The following FREM3 variants were observed in gnomAD, a reference collection of about 807,000 sequenced individuals.
FREM3 encodes the protein FRAS1-related extracellular matrix protein 3.
FREM3 carries 105 observed loss-of-function variants against 129.1 expected under a neutral mutation model. The ratio of observed to expected loss-of-function variants is 0.81; its 90% CI spans 0.69 to 0.96. The LOEUF (loss-of-function observed/expected upper bound fraction) is 0.96, where lower values mean the gene tolerates loss of function less well. Ranked by LOEUF, FREM3 falls within the 40% of genes least tolerant of loss-of-function variation. The pLI is 0.00. For synonymous variants in FREM3, 1,014 were observed against 1,044.9 expected (o/e 0.97, Z 0.57); for missense variants, 2,593 against 2,666.3 (o/e 0.97, Z 0.61).
At chr4:143,669,022 G>A (rs762720989) in intron 2 of FREM3, among the ~76,000 whole-genome samples, 2 of 152,160 alleles carry the variant, frequency 1.3e-5, no homozygotes, top group Non-Finnish European at 2.9e-5. Flanking sequence ...TGTGACTCCA[G>A]ACAATGAAGA....
chr4:143,602,191 T>A (rs1015617578), intron 6 of FREM3, among the ~76,000 whole-genome samples: 5 of 152,170 alleles, frequency 3.3e-5, no homozygotes, highest in Non-Finnish European at 7.3e-5. Flanking sequence ...TCTCAAATAG[T>A]CAATTTTGAA....
chr4:143,589,310 T>G (rs1738307312), intron 6 of FREM3, among the ~76,000 whole-genome samples: 1 of 152,250 alleles, frequency 6.6e-6, no homozygotes, highest in Non-Finnish European at 1.5e-5. Context: ...CATGAAGTCC[T>G]TGCCCATGCC....
chr4:143,618,769 G>T (rs1034671145), intron 5 of FREM3, among the ~76,000 whole-genome samples: 5 of 152,064 alleles, frequency 3.3e-5, no homozygotes, highest in Admixed American at 6.6e-5. Context: ...ACAGGTTGGT[G>T]CCTGTAGTCC....
At chr4:143,628,967 A>G (rs1390368587) in intron 2 of FREM3, among the ~76,000 whole-genome samples, 1 of 152,174 alleles carries the variant, frequency 6.6e-6, no homozygotes, top group Admixed American at 6.5e-5. Flanking sequence ...GAGGTGGGTC[A>G]TCTGTCCAGT....
Position 143,697,715 on chromosome 4 carries a change from A to G in FREM3, c.2961T>C (p.Ile987=), listed in dbSNP as rs1423127865. The change falls in exon 1 of 8, where the codon ATT becomes ATC. Residue 987 remains isoleucine, a synonymous_variant. Transcript: ENST00000329798. Reference sequence around the variant, plus strand: ...TGCCCAGTTTGGGGCTGTCCTTTACAATGAAAGACAGCATCAAGTCACCTA... The same window carrying G: ...TGCCCAGTTTGGGGCTGTCCTTTACGATGAAAGACAGCATCAAGTCACCTA... ...KDVGDLMLSF[I]VKDSPKLGTI... is the part of the protein sequence containing the mutation. 6 of 1,537,682 alleles carry G rather than the reference A, an allele frequency of 3.9e-6. No individual in the cohort carries two copies. In the South Asian group the frequency reaches 4.8e-5, roughly 12 times the overall value.
Position 143,577,793 on chromosome 4 carries a change from G to C in FREM3, c.6238C>G (p.Gln2080Glu). The C allele has an allele frequency of 6.5e-7, 1 of 1,537,254 alleles. No individual in the cohort carries two copies. Among genetic ancestry groups the C allele is most frequent in the East Asian group, 2.4e-5 (1 of 40,918 alleles). The stretch of plus-strand genomic sequence containing the variant: ...TCAAGGATGGTCACTTGGAATGTCT[G>C]CATGCGCACGCCTGGAGCAAAGTCC... Reference protein sequence around the residue: ...NLDFAPGVRMQTFQVTILDDL... With the variant: ...NLDFAPGVRMETFQVTILDDL... The change falls in exon 8 of 8, where the codon CAG becomes GAG. Residue 2080 changes from glutamine to glutamate, a missense_variant. Gln to Glu is a conservative substitution (Grantham distance 29). Coordinates refer to ENST00000329798, the MANE Select transcript of FREM3 (RefSeq NM_001168235.2).
rs1328671755 is a variant in FREM3 at position 143,577,559 on chromosome 4, A to G, written c.*52T>C. On this transcript the variant is annotated 3_prime_UTR_variant, in exon 8 of 8. Coordinates refer to ENST00000329798, the MANE Select transcript of FREM3 (RefSeq NM_001168235.2). Reference sequence around the variant, plus strand: ...TAAGATCTATAAACAGTAGAGTTTCATTCTGTTGTTAGGAGACATATCTTG... The same window carrying G: ...TAAGATCTATAAACAGTAGAGTTTCGTTCTGTTGTTAGGAGACATATCTTG... The G allele has an allele frequency of 1.5e-5, 22 of 1,483,876 alleles. No individual in the cohort carries two copies. Among genetic ancestry groups the G allele is most frequent in the Non-Finnish European group, 1.9e-5 (21 of 1,112,428 alleles). 91.9% of individuals were successfully genotyped at this position (1,483,876 alleles called of 1,614,324 possible).
At position 143,679,642 on chromosome 4, in the gene FREM3, A is replaced by G. The variant is rs1024911149; in HGVS notation, c.5275+13471T>C. 2.6e-5 allele frequency among the ~76,000 whole-genome samples: 4 copies of G among 152,302 alleles called. No homozygotes were observed. In the East Asian group the frequency reaches 7.7e-4, roughly 29 times the overall value. The stretch of plus-strand genomic sequence containing the variant: ...ATCCAGCCCTCTGCAGCAATTTCCT[A>G]TATTTCACAGCTCTGAGCTAATTCT... On this transcript the variant is annotated intron_variant, in intron 2 of 7. Transcript: ENST00000329798.
chr4:143,695,718 C>T lies in FREM3; in HGVS notation c.4958G>A (p.Arg1653Lys). The T allele has an allele frequency of 6.5e-7, 1 of 1,537,226 alleles. No homozygotes were observed. The highest frequency in any genetic ancestry group is 8.7e-7 in the Non-Finnish European group (1 of 1,146,920). ...CTGGGGAAGCCTATTGTCTAATGAT[C>T]TTATCTGGACCCTCATTACTTGAGG... ...HKPQVMRVQI[R>K]SLDNRLPQIT... The change falls in exon 1 of 8, where the codon AGA becomes AAA. Residue 1653 changes from arginine (R) to lysine (K), a missense_variant. By Grantham distance (26) the Arg-to-Lys change is conservative (BLOSUM62 2). Coordinates refer to ENST00000329798, the MANE Select transcript of FREM3 (RefSeq NM_001168235.2).
intron 2 of FREM3, among the ~76,000 whole-genome samples, chr4:143,636,428 A>C (rs1033924375): frequency 3.3e-5 from 5 of 151,964 alleles, no homozygotes; most frequent in Admixed American, 2.6e-4. Context: ...CAGTACAAGA[A>C]AATGATTTGA....
intron 5 of FREM3, among the ~76,000 whole-genome samples, chr4:143,614,208 T>A (rs1738807447): frequency 6.6e-6 from 1 of 152,224 alleles, no homozygotes; most frequent in Non-Finnish European, 1.5e-5. Context: ...AATAAAAAAA[T>A]TCAGTTGATC....
intron 2 of FREM3, among the ~76,000 whole-genome samples, chr4:143,666,847 C>T (rs935274422): frequency 6.6e-6 from 1 of 151,688 alleles, no homozygotes; most frequent in African/African-American, 2.4e-5. Context: ...AATTGTATAC[C>T]TAAGAATGGT....
At chr4:143,624,018 G>A (rs1739001633) in intron 4 of FREM3, 90 bp downstream of exon 4, 2 of 706,568 alleles carry the variant, frequency 2.8e-6, no homozygotes, top group Non-Finnish European at 4.9e-6. Flanking sequence ...CGCATTTAGT[G>A]GCTTACAGAG....
intron 2 of FREM3, among the ~76,000 whole-genome samples, chr4:143,641,429 C>G (rs1335595234): frequency 6.6e-6 from 1 of 152,216 alleles, no homozygotes. Flanking sequence ...AACCTTGGAT[C>G]TATCTAACAA....
chr4:143,664,871 TG>T (rs1470904233), intron 2 of FREM3, among the ~76,000 whole-genome samples: 1 of 152,174 alleles, frequency 6.6e-6, no homozygotes, highest in African/African-American at 2.4e-5. Context: ...CGAGACTCCG[TG>T]GGCGTAGGAC....
chr4:143,630,775 G>A (rs1331923892), intron 2 of FREM3, among the ~76,000 whole-genome samples: 1 of 152,142 alleles, frequency 6.6e-6, no homozygotes, highest in Non-Finnish European at 1.5e-5. Context: ...TATGTTAGGA[G>A]AAAGAGGCTG....
At chr4:143,683,827 G>A (rs1174698916) in intron 2 of FREM3, among the ~76,000 whole-genome samples, 2 of 152,194 alleles carry the variant, frequency 1.3e-5, no homozygotes, top group African/African-American at 2.4e-5. Flanking sequence ...GGGGGGCATG[G>A]TGAAAGTGAG....
intron 6 of FREM3, among the ~76,000 whole-genome samples, chr4:143,609,879 A>G (rs1402890442): frequency 6.6e-6 from 1 of 152,168 alleles, no homozygotes. Context: ...TCTCTTTCCA[A>G]AACAACTTCT....
At chr4:143,660,468 G>C (rs950323223) in intron 2 of FREM3, among the ~76,000 whole-genome samples, 7 of 152,190 alleles carry the variant, frequency 4.6e-5, no homozygotes, top group Admixed American at 1.3e-4. Flanking sequence ...CCAGTACCAT[G>C]CTGTTTTGGT....
Sources: gnomAD v4.1 joint callset for allele counts (sites outside exome capture counted in the v4.1 genomes callset) on GRCh38, gnomAD v4.1.1 for gene constraint, MANE v1.5 for transcripts, NCBI Gene and HGNC (gene_info 2026-07-23, HGNC 2026-07-21) for gene names.